Variants in TBL1X observed in about 807,000 individuals in gnomAD.
The protein encoded by TBL1X is transducin beta like 1 X-linked.
TBL1X carries 10 observed loss-of-function variants against 50.7 expected under a neutral mutation model. That is an observed-to-expected ratio of 0.20 (90% CI 0.12 to 0.33). The LOEUF (loss-of-function observed/expected upper bound fraction) is 0.33, where lower values mean the gene tolerates loss of function less well. Ranked by LOEUF, TBL1X falls within the 10% of genes least tolerant of loss-of-function variation. The pLI is 1.00. For synonymous variants in TBL1X, 190 were observed against 214.7 expected (o/e 0.88, Z 1.01); for missense variants, 340 against 504.4 (o/e 0.67, Z 3.12).
chrX:9,621,109 G>T (rs1488350935), intron 2 of TBL1X, among the ~76,000 whole-genome samples: 1 of 111,767 alleles, frequency 8.9e-6, no homozygotes, highest in African/African-American at 3.3e-5. Context: ...TGCTGTGGGC[G>T]TGTTGCGTTT....
chrX:9,653,777 T>C (rs756100518), intron 4 of TBL1X, 88 bp downstream of exon 4: 65 of 869,879 alleles, frequency 7.5e-5, no homozygotes, highest in Admixed American at 2.9e-5. Context: ...CACCTCTCCA[T>C]GTGTCCAGAA....
chrX:9,543,663 G>A (rs1386847868), intron 2 of TBL1X, among the ~76,000 whole-genome samples: 1 of 111,876 alleles, frequency 8.9e-6, no homozygotes, highest in Non-Finnish European at 1.9e-5. Flanking sequence ...ACCATGTGTG[G>A]GACTCTCTGT....
chrX:9,709,404 C>T, intron 14 of TBL1X, 82 bp downstream of exon 14: 1 of 1,071,812 alleles, frequency 9.3e-7, no homozygotes, highest in Non-Finnish European at 1.3e-6. Flanking sequence ...GTCACTCTTA[C>T]ATGAGGATTA....
chrX:9,708,099 C>T lies in TBL1X; in HGVS notation c.1237-1149C>T, dbSNP rs1017752592. Among the ~76,000 whole-genome samples the T allele has an allele frequency of 2.7e-5, 3 of 112,027 alleles. No individual in the cohort carries two copies. In the Admixed American group the frequency reaches 2.8e-4, roughly 11 times the overall value. ...GACATATGGGGCCCTATAGTCACCC[C>T]TGAGGGAGCCCCAAGCTGGTACGCC... On this transcript the variant is annotated intron_variant, in intron 13 of 17. Coordinates refer to ENST00000645353, the MANE Select transcript of TBL1X (RefSeq NM_005647.4).
chrX:9,569,207 G>A (rs1165569499), intron 2 of TBL1X, among the ~76,000 whole-genome samples: 1 of 107,164 alleles, frequency 9.3e-6, no homozygotes, highest in Non-Finnish European at 1.9e-5. Context: ...TACTGTGTGT[G>A]TGTGATGTGC....
At chrX:9,552,119 A>C (rs747431332) in intron 2 of TBL1X, among the ~76,000 whole-genome samples, 2 of 112,053 alleles carry the variant, frequency 1.8e-5, no homozygotes, top group Non-Finnish European at 3.8e-5. Context: ...TGGGGCTATA[A>C]GTCTCGTGGT....
chrX:9,698,143 G>A (rs897697132), intron 12 of TBL1X, among the ~76,000 whole-genome samples: 3 of 111,411 alleles, frequency 2.7e-5, no homozygotes, highest in African/African-American at 9.8e-5. Context: ...TTGGTCAGAA[G>A]GAGACCCATT....
chrX:9,515,599 T>G (rs1382304781), intron 2 of TBL1X, among the ~76,000 whole-genome samples: 1 of 112,119 alleles, frequency 8.9e-6, no homozygotes, highest in Non-Finnish European at 1.9e-5. Context: ...TCCTTTGGTC[T>G]GGGGATTGGG....
chrX:9,674,873 C>T (rs764269509), intron 5 of TBL1X, among the ~76,000 whole-genome samples: 54 of 111,786 alleles, frequency 4.8e-4, no homozygotes, highest in Non-Finnish European at 8.8e-4. Context: ...AGCCACCACA[C>T]CCAGTGCCAA....
At chrX:9,676,116 C>G (rs759575104) in intron 5 of TBL1X, among the ~76,000 whole-genome samples, 1 of 112,225 alleles carries the variant, frequency 8.9e-6, no homozygotes, top group Non-Finnish European at 1.9e-5. Context: ...GTTTAGCATT[C>G]ATGCTGTCTT....
At position 9,716,340 on chromosome X, in the gene TBL1X, A is replaced by C; in HGVS notation, c.*94A>C. On this transcript the variant is annotated 3_prime_UTR_variant, in exon 18 of 18. Transcript: ENST00000645353. Reference sequence around the variant, plus strand: ...TATTCTCCAAAACTGTAGGAACTTGACTTGCGTTAGAGTGTACTCTGAAAC... The same window carrying C: ...TATTCTCCAAAACTGTAGGAACTTGCCTTGCGTTAGAGTGTACTCTGAAAC... The C allele has an allele frequency of 1.0e-6, 1 of 976,075 alleles. No individual in the cohort carries two copies. Among genetic ancestry groups the C allele is most frequent in the Non-Finnish European group, 1.4e-6 (1 of 701,834 alleles). 80.4% of individuals were successfully genotyped at this position (976,075 alleles called of 1,213,427 possible).
chrX:9,646,380 G>A (rs2082804677), intron 3 of TBL1X, among the ~76,000 whole-genome samples: 1 of 112,541 alleles, frequency 8.9e-6, no homozygotes, highest in South Asian at 3.6e-4. Context: ...TAGAAAAGGT[G>A]TATTGGGATT....
intron 2 of TBL1X, among the ~76,000 whole-genome samples, chrX:9,555,657 C>A (rs982375934): frequency 9.0e-6 from 1 of 111,713 alleles, no homozygotes; most frequent in African/African-American, 3.3e-5. Context: ...TTCACATTCC[C>A]ACCCAAATGT....
intron 7 of TBL1X, among the ~76,000 whole-genome samples, chrX:9,691,235 A>C (rs1325454664): frequency 9.0e-6 from 1 of 110,685 alleles, no homozygotes; most frequent in Non-Finnish European, 1.9e-5. Flanking sequence ...CAGGAGTTTG[A>C]GACCGACCCT....
At chrX:9,532,893 G>A (rs1306567665) in intron 2 of TBL1X, among the ~76,000 whole-genome samples, 3 of 111,277 alleles carry the variant, frequency 2.7e-5, no homozygotes, top group Non-Finnish European at 5.7e-5. Flanking sequence ...TTCAGCATAT[G>A]AGTTGGGAGT....
chrX:9,565,986 CT>C (rs1457178321), intron 2 of TBL1X, among the ~76,000 whole-genome samples: 1 of 112,141 alleles, frequency 8.9e-6, no homozygotes, highest in African/African-American at 3.2e-5. Context: ...TAAAAGGAGC[CT>C]TTTGCCTCAC....
intron 3 of TBL1X, among the ~76,000 whole-genome samples, chrX:9,640,777 C>T (rs1190420139): frequency 9.0e-6 from 1 of 111,330 alleles, no homozygotes. Flanking sequence ...ATTACAGGCA[C>T]CTGCCACCAC....
chrX:9,671,166 T>TA (rs1421859837), intron 5 of TBL1X, among the ~76,000 whole-genome samples: 5 of 111,547 alleles, frequency 4.5e-5, no homozygotes, highest in Admixed American at 3.8e-4. Context: ...CTGCCACACT[T>TA]ACGGTTTATT....
At chrX:9,526,549 A>G (rs1002268269) in intron 2 of TBL1X, among the ~76,000 whole-genome samples, 1 of 110,809 alleles carries the variant, frequency 9.0e-6, no homozygotes, top group African/African-American at 3.3e-5. Flanking sequence ...TTTCGGTTCT[A>G]AGCCCTGTGG....
Sources: allele counts gnomAD v4.1 joint callset (sites outside exome capture counted in the v4.1 genomes callset), GRCh38; gene constraint gnomAD v4.1.1; transcripts MANE v1.5; gene names NCBI Gene and HGNC (gene_info 2026-07-23, HGNC 2026-07-21).